Variants in FAM117B observed in about 807,000 individuals in gnomAD.
The protein encoded by FAM117B is family with sequence similarity 117 member B, also known as protein FAM117B.
A neutral mutation model predicts 52.8 loss-of-function variants in FAM117B; 22 were observed. The ratio of observed to expected loss-of-function variants is 0.42; its 90% CI spans 0.30 to 0.59. The LOEUF (loss-of-function observed/expected upper bound fraction) is 0.59, where lower values mean the gene tolerates loss of function less well. Among genes scored for constraint, FAM117B ranks in the 20% least tolerant of loss-of-function variants. FAM117B has a pLI of 0.22. For missense variants in FAM117B, 678 were observed against 802.6 expected (o/e 0.84, Z 1.88); for synonymous variants, 309 against 324.1 (o/e 0.95, Z 0.50).
At chr2:202,673,441 T>TG (rs1371238502) in intron 1 of FAM117B, among the ~76,000 whole-genome samples, 45 of 115,238 alleles carry the variant, frequency 3.9e-4, no homozygotes, top group Non-Finnish European at 7.5e-4. Context: ...CTGTTTTTTT[T>TG]TTTTTTTTTT....
chr2:202,655,321 G>A (rs909927508), intron 1 of FAM117B, among the ~76,000 whole-genome samples: 1 of 152,072 alleles, frequency 6.6e-6, no homozygotes, highest in African/African-American at 2.4e-5. Flanking sequence ...ATGAATAAAG[G>A]TGCTATAAAC....
intron 1 of FAM117B, among the ~76,000 whole-genome samples, chr2:202,643,555 G>A (rs780626628): frequency 7.4e-4 from 112 of 151,802 alleles, no homozygotes; most frequent in Admixed American, 3.2e-3. Flanking sequence ...TTTAAACTAC[G>A]TGTGCATAAT....
At chr2:202,746,082 A>C (rs879631561) in intron 4 of FAM117B, among the ~76,000 whole-genome samples, 68 of 152,210 alleles carry the variant, frequency 4.5e-4, no homozygotes, top group Admixed American at 3.5e-3. Flanking sequence ...CTTAATCTGC[A>C]CTGTAGGTCA....
intron 3 of FAM117B, 144 bp from the exon 4 acceptor site, chr2:202,726,106 G>T: frequency 1.7e-6 from 1 of 580,056 alleles, no homozygotes; most frequent in Non-Finnish European, 3.1e-6. Context: ...ATAAAATTAT[G>T]AACAAAAAAT....
chr2:202,655,668 G>A (rs1005484290), intron 1 of FAM117B, among the ~76,000 whole-genome samples: 3 of 148,668 alleles, frequency 2.0e-5, no homozygotes, highest in Non-Finnish European at 4.4e-5. Context: ...AATTTCCCCA[G>A]TGAAATCATC....
intron 1 of FAM117B, among the ~76,000 whole-genome samples, chr2:202,671,385 A>G (rs1037088229): frequency 3.3e-5 from 5 of 152,198 alleles, no homozygotes; most frequent in African/African-American, 1.2e-4. Context: ...CATAGAGAAT[A>G]TGCCTCTGGA....
At chr2:202,691,703 G>A (rs1030201798) in intron 1 of FAM117B, among the ~76,000 whole-genome samples, 11 of 150,618 alleles carry the variant, frequency 7.3e-5, no homozygotes, top group Non-Finnish European at 1.2e-4. Context: ...GTGTGTGCGC[G>A]CGCGCCTCCC....
chr2:202,739,393 G>A (rs1359365172), intron 4 of FAM117B, among the ~76,000 whole-genome samples: 1 of 147,644 alleles, frequency 6.8e-6, no homozygotes. Flanking sequence ...TTCCCTTTCC[G>A]TCTGTCTTTC....
intron 4 of FAM117B, among the ~76,000 whole-genome samples, chr2:202,752,718 G>A (rs114979999): frequency 0.022 from 3,318 of 152,200 alleles, 141 homozygotes; most frequent in African/African-American, 0.076. Context: ...CTGGCACACT[G>A]ATGTTACTAG....
intron 1 of FAM117B, among the ~76,000 whole-genome samples, chr2:202,642,579 A>G (rs1689788181): frequency 6.6e-6 from 1 of 152,106 alleles, no homozygotes; most frequent in East Asian, 1.9e-4. Context: ...AGATTTGGGA[A>G]AAGAAAATGA....
intron 1 of FAM117B, among the ~76,000 whole-genome samples, chr2:202,658,716 A>T (rs142665085): frequency 6.6e-6 from 1 of 152,216 alleles, no homozygotes; most frequent in East Asian, 1.9e-4. Flanking sequence ...TTCTGATGAG[A>T]CATCTATAAT....
chr2:202,645,439 G>T (rs527331058), intron 1 of FAM117B, among the ~76,000 whole-genome samples: 1 of 150,768 alleles, frequency 6.6e-6, no homozygotes, highest in Non-Finnish European at 1.5e-5. Context: ...ACAGGCGCCC[G>T]CCACCTCGCC....
intron 4 of FAM117B, among the ~76,000 whole-genome samples, chr2:202,730,476 C>T (rs943354844): frequency 2.0e-5 from 3 of 152,090 alleles, no homozygotes; most frequent in Non-Finnish European, 2.9e-5. Context: ...TCAAGACCAG[C>T]CTGGGCAACA....
intron 3 of FAM117B, 96 bp downstream of exon 3, chr2:202,725,105 C>A: frequency 1.1e-6 from 1 of 874,244 alleles, no homozygotes; most frequent in Non-Finnish European, 1.7e-6. Context: ...TGTCGTTTTC[C>A]ATTGATTTCT....
In FAM117B at chr2:202,634,977, C is replaced by G. The variant is rs1369991026; in HGVS notation, c.-211C>G. Among the ~76,000 whole-genome samples the G allele has an allele frequency of 1.3e-5, 2 of 150,196 alleles. No individual in the cohort carries two copies. Among genetic ancestry groups the G allele is most frequent in the African/African-American group, 5.0e-5 (2 of 40,318 alleles). On this transcript the variant is annotated 5_prime_UTR_variant, in exon 1 of 8. Coordinates refer to ENST00000392238, the MANE Select transcript of FAM117B (RefSeq NM_173511.4). ...TGGGGGGCGGGGGCAGCAGAGGAGA[C>G]ACTATTGTTGATGAGGAGCGGCGGC...
intron 1 of FAM117B, among the ~76,000 whole-genome samples, chr2:202,682,662 A>G (rs189313581): frequency 1.3e-5 from 2 of 152,348 alleles, no homozygotes; most frequent in East Asian, 3.9e-4. Context: ...TGAGCCATAA[A>G]ATAAGCGTCA....
At position 202,740,159 on chromosome 2, in the gene FAM117B, C is replaced by T. The variant is rs569849240; in HGVS notation, c.960+13796C>T. Among the ~76,000 whole-genome samples, 30 of 102,676 alleles carry T rather than the reference C, an allele frequency of 2.9e-4. No individual in the cohort carries two copies. In the South Asian group the frequency reaches 4.9e-3, roughly 17 times the overall value. 67.4% of individuals were successfully genotyped at this position (102,676 alleles called of 152,430 possible). On this transcript the variant is annotated intron_variant, in intron 4 of 7. Transcript: ENST00000392238. ...CTGCACTCCAGCCTGGAGGACAGAG[C>T]GAGACTTCATCCCCCAAAAAAAAAA...
chr2:202,701,954 C>T (rs1181492358), intron 2 of FAM117B, among the ~76,000 whole-genome samples: 1 of 152,108 alleles, frequency 6.6e-6, no homozygotes, highest in Admixed American at 6.5e-5. Context: ...AAAGCAGTAG[C>T]AGGTTTTGAG....
At position 202,697,084 on chromosome 2, in the gene FAM117B, AAAG is replaced by A. The variant is rs1453652457; in HGVS notation, c.753+1061_753+1063del. Among the ~76,000 whole-genome samples, 7 of 151,250 alleles carry A rather than the reference AAAG, an allele frequency of 4.6e-5. No homozygotes were observed. In the East Asian group the frequency reaches 5.8e-4, roughly 12 times the overall value. ...AACCTGTCTCAAAAAAAGAAAAAAC[AAAG>A]AAGAAGAAATCATTCAGGTCTACCC... On this transcript the variant is annotated intron_variant, in intron 2 of 7. Transcript: ENST00000392238.
Sources: gnomAD v4.1 joint callset for allele counts (sites outside exome capture counted in the v4.1 genomes callset) on GRCh38, gnomAD v4.1.1 for gene constraint, MANE v1.5 for transcripts, NCBI Gene and HGNC (gene_info 2026-07-23, HGNC 2026-07-21) for gene names.